PAQR9: variants seen among roughly 807,000 people sequenced by gnomAD.
The protein encoded by PAQR9 is membrane progestin receptor epsilon.
Under a neutral mutation model 24.0 loss-of-function variants are expected in PAQR9, and 12 were observed. That is an observed-to-expected ratio of 0.50 (90% CI 0.32 to 0.81). The LOEUF is 0.81. PAQR9 is among the 30% of genes least tolerant of loss of function. The pLI is 0.03. For synonymous variants in PAQR9, 266 were observed against 237.6 expected, an observed-to-expected ratio of 1.12 and a Z score of -1.10; for missense variants, 418 against 520.8, an observed-to-expected ratio of 0.80 and a Z score of 1.92.
Position 142,963,500 on chromosome 3 carries a change from TTAAA to T in PAQR9, c.-168_-165del. 9.8e-7 allele frequency: 1 copy of T among 1,024,998 alleles called. No individual in the cohort carries two copies. The highest frequency in any genetic ancestry group is 1.2e-6 in the Non-Finnish European group (1 of 858,058). 63.5% of individuals were successfully genotyped at this position (1,024,998 alleles called of 1,614,324 possible). On this transcript the variant is annotated 5_prime_UTR_variant, in exon 1 of 1. Transcript: ENST00000340634. ...GCCTCCGAGCAGCCGCTCCTAAAAATTAAATAAATCAATAAGAGAATCAATTAAT... is the reference window on the plus strand; with the variant it reads ...GCCTCCGAGCAGCCGCTCCTAAAAATTAAATCAATAAGAGAATCAATTAAT...
chr3:142,958,068 T>C lies in PAQR9; in HGVS notation c.*4135A>G, dbSNP rs1934822642. 6.6e-6 allele frequency among the ~76,000 whole-genome samples: 1 copy of C among 152,112 alleles called. No individual in the cohort carries two copies. The highest frequency in any genetic ancestry group is 1.9e-4 in the East Asian group (1 of 5,192). On this transcript the variant is annotated 3_prime_UTR_variant, in exon 1 of 1. Transcript: ENST00000340634. ...TCCTTGCCCAATGTCTTACACACAGTAGGTGCTCAAAGATCATGAAAGGTA... is the reference window on the plus strand; with the variant it reads ...TCCTTGCCCAATGTCTTACACACAGCAGGTGCTCAAAGATCATGAAAGGTA...
At chr3:142,951,024 A>G (rs932992378), downstream of PAQR9, among the ~76,000 whole-genome samples, 2 of 152,230 alleles carry the variant, frequency 1.3e-5, no homozygotes, top group African/African-American at 2.4e-5. Flanking sequence ...TATAGATGAC[A>G]TTGATACATG....
At chr3:142,951,038 A>C (rs985818813), downstream of PAQR9, among the ~76,000 whole-genome samples, 4 of 152,328 alleles carry the variant, frequency 2.6e-5, no homozygotes, top group African/African-American at 9.6e-5. Flanking sequence ...ATACATGAGA[A>C]TAGCACTTAT....
chr3:142,962,880 A>C lies in PAQR9; in HGVS notation c.457T>G (p.Phe153Val). 3.1e-6 allele frequency: 5 copies of C among 1,613,762 alleles called. No individual in the cohort carries two copies. Among genetic ancestry groups the C allele is most frequent in the East Asian group, 2.2e-5 (1 of 44,868 alleles). Residue 153 changes from phenylalanine (F) to valine (V), a missense_variant, in exon 1 of 1, where the codon TTC becomes GTC. Phe to Val is a conservative substitution (Grantham distance 50). Coordinates refer to ENST00000340634, the MANE Select transcript of PAQR9 (RefSeq NM_198504.4). The part of the protein sequence containing the change: ...SCLSLRLRAA[F>V]FYLDYASISY... ...ATGGACGCGTAGTCCAGGTAGAAGA[A>C]GGCGGCGCGCAGACGCAGCGACAGG... is the stretch of plus-strand genomic sequence containing the variant.
chr3:142,963,394 G>T lies in PAQR9; in HGVS notation c.-58C>A, dbSNP rs1240168250. ...CGACCTCTGGCGCCGGCTCCCGGGC[G>T]CTGGGCAGCCCCCGCCGGCCGCCGT... is the stretch of plus-strand genomic sequence containing the variant. On this transcript the variant is annotated 5_prime_UTR_variant, in exon 1 of 1. Coordinates refer to ENST00000340634, the MANE Select transcript of PAQR9 (RefSeq NM_198504.4). 9.0e-7 allele frequency: 1 copy of T among 1,114,538 alleles called. No individual in the cohort carries two copies. The highest frequency in any genetic ancestry group is 1.1e-6 in the Non-Finnish European group (1 of 914,848). 69.0% of individuals were successfully genotyped at this position (1,114,538 alleles called of 1,614,324 possible). A position where few individuals can be genotyped will look rare whatever the true frequency, so the allele number is the denominator to read the frequency against.
downstream of PAQR9, among the ~76,000 whole-genome samples, chr3:142,952,197 G>T (rs1405648814): frequency 1.3e-5 from 2 of 152,164 alleles, no homozygotes; most frequent in African/African-American, 4.8e-5. Context: ...GGAGAACAAT[G>T]TGTAATGGAT....
At chr3:142,953,045 C>T (rs1311344762), downstream of PAQR9, among the ~76,000 whole-genome samples, 1 of 152,182 alleles carries the variant, frequency 6.6e-6, no homozygotes, top group Non-Finnish European at 1.5e-5. Context: ...CTTCCCAGCA[C>T]ACAGAACCTG....
chr3:142,962,591 AT>A lies in PAQR9; in HGVS notation c.745del (p.Met249CysfsTer44). ...AATGGGGCAGGCCATGCTGAGCGGC[AT>A]GACGAAGACGAAGGTGCGCAGCGCG... ...PFALRTFVFV[M>X]PLSMACPIML... is the part of the protein sequence containing the mutation. On this transcript the variant is annotated frameshift_variant, in exon 1 of 1. Transcript: ENST00000340634. LOFTEE classifies it high-confidence loss of function. The A allele has an allele frequency of 1.2e-6, 2 of 1,613,990 alleles. No homozygotes were observed. The highest frequency in any genetic ancestry group is 1.7e-6 in the Non-Finnish European group (2 of 1,180,002).
At chr3:142,951,495 A>G, downstream of PAQR9, 1 of 332,438 alleles carries the variant, frequency 3.0e-6, no homozygotes, top group Non-Finnish European at 5.9e-6. Flanking sequence ...CCTGATCACC[A>G]TCCTTTTCTG....
At position 142,963,026 on chromosome 3, in the gene PAQR9, A is replaced by G. The variant is rs1934939198; in HGVS notation, c.311T>C (p.Leu104Pro). The change falls in exon 1 of 1, where the codon CTG becomes CCG. Residue 104 changes from leucine (L) to proline (P), a missense_variant. Coordinates refer to ENST00000340634, the MANE Select transcript of PAQR9 (RefSeq NM_198504.4). ...LLLFLSKFCR[L>P]FFLSGGDVPF... ...CACGTCGCCGCCGCTCAGGAAGAAC[A>G]GACGGCAGAACTTGCTCAGGAACAG... 3 of 1,614,186 alleles carry G rather than the reference A, an allele frequency of 1.9e-6. No homozygotes were observed. The highest frequency in any genetic ancestry group is 2.5e-6 in the Non-Finnish European group (3 of 1,180,012).
At position 142,954,867 on chromosome 3, in the gene PAQR9, A is replaced by G. The variant is rs1934767926; in HGVS notation, c.*7336T>C. 6.6e-6 allele frequency among the ~76,000 whole-genome samples: 1 copy of G among 152,202 alleles called. No individual in the cohort carries two copies. On this transcript the variant is annotated 3_prime_UTR_variant, in exon 1 of 1. Transcript: ENST00000340634. ...TGTTAGAATACACTATTGATTTGAA[A>G]CCACATGTTAGTCCATGCCTGGAAG... is the stretch of plus-strand genomic sequence containing the variant.
At position 142,962,241 on chromosome 3, in the gene PAQR9, T is replaced by G. The variant is rs1389837713; in HGVS notation, c.1096A>C (p.Lys366Gln). 2 of 1,613,924 alleles carry G rather than the reference T, an allele frequency of 1.2e-6. No individual in the cohort carries two copies. The highest frequency in any genetic ancestry group is 1.3e-5 in the African/African-American group (1 of 74,920). ...CAGAATTCGGAGCTGTTTAGGAACT[T>G]CCTGATTACCAGCCCCAGGCAGACC... ...LVVCLGLVIR[K>Q]FLNSSEFCSK... Residue 366 changes from lysine to glutamine, a missense_variant, in exon 1 of 1, where the codon AAG becomes CAG. By Grantham distance (53) the Lys-to-Gln change is moderately conservative. This residue lies in a region of PAQR9 where 230 missense variants were observed against 305.2 expected (regional missense o/e 0.75). Coordinates refer to ENST00000340634, the MANE Select transcript of PAQR9 (RefSeq NM_198504.4).
downstream of PAQR9, chr3:142,950,384 T>C (rs1934697156): frequency 5.1e-6 from 1 of 195,306 alleles, no homozygotes; most frequent in Non-Finnish European, 1.1e-5. Flanking sequence ...GTCTCTCCAA[T>C]TTTGGGGGGC....
rs1228440470 is a variant in PAQR9, at chr3:142,962,920, C to G, written c.417G>C (p.Ala139=). ...GCAGCGACAGGCAGCTGAACACGTG[C>G]GCCGTGCAGCTCATGGCGAAGGTCA... is the stretch of plus-strand genomic sequence containing the variant. ...VLLTFAMSCT[A]HVFSCLSLRL... is the part of the protein sequence containing the mutation. Residue 139 remains alanine, a synonymous_variant, in exon 1 of 1, where the codon GCG becomes GCC. Transcript: ENST00000340634. 71 of 1,613,722 alleles carry G rather than the reference C, an allele frequency of 4.4e-5. No homozygotes were observed. The highest frequency in any genetic ancestry group is 5.9e-5 in the Non-Finnish European group (70 of 1,179,994).
chr3:142,951,615 A>G, downstream of PAQR9: 1 of 436,108 alleles, frequency 2.3e-6, no homozygotes, highest in Non-Finnish European at 4.6e-6. Context: ...CAAACTCACT[A>G]GAAGAATTAC....
In PAQR9 at chr3:142,956,292, C is replaced by G. The variant is rs1409065652; in HGVS notation, c.*5911G>C. ...AAGCAGGGCCATCTTTACAGCACGGCCAAATGACCACCTGAAGACCCCCCA... is the reference window on the plus strand; with the variant it reads ...AAGCAGGGCCATCTTTACAGCACGGGCAAATGACCACCTGAAGACCCCCCA... On this transcript the variant is annotated 3_prime_UTR_variant, in exon 1 of 1. Coordinates refer to ENST00000340634, the MANE Select transcript of PAQR9 (RefSeq NM_198504.4). Among the ~76,000 whole-genome samples the G allele has an allele frequency of 2.6e-5, 4 of 152,102 alleles. No individual in the cohort carries two copies. The highest frequency in any genetic ancestry group is 2.6e-4 in the Admixed American group (4 of 15,268).
At chr3:142,949,924 C>T (rs1341193452), downstream of PAQR9, 1 of 151,592 alleles carries the variant, frequency 6.6e-6, no homozygotes, top group Non-Finnish European at 1.5e-5. Flanking sequence ...CTTTGTTTTT[C>T]AGTTTTAGAA....
At position 142,957,044 on chromosome 3, in the gene PAQR9, T is replaced by C. The variant is rs960700557; in HGVS notation, c.*5159A>G. On this transcript the variant is annotated 3_prime_UTR_variant, in exon 1 of 1. Coordinates refer to ENST00000340634, the MANE Select transcript of PAQR9 (RefSeq NM_198504.4). ...GTCAGGTGATATATGTCAGAGAATA[T>C]TGACAATCCTTCAAGAAAATGATTC... is the stretch of plus-strand genomic sequence containing the variant. Among the ~76,000 whole-genome samples the C allele has an allele frequency of 6.6e-6, 1 of 152,222 alleles. No homozygotes were observed. The highest frequency in any genetic ancestry group is 1.5e-5 in the Non-Finnish European group (1 of 68,040).
rs1225683262 is a variant in PAQR9, at chr3:142,959,768, G to T, written c.*2435C>A. ...AACAAAAAATTAAAATGACAAATTT[G>T]GTGTTTTAGTTATTGTTCTCAAACT... On this transcript the variant is annotated 3_prime_UTR_variant, in exon 1 of 1. Transcript: ENST00000340634. 3.3e-5 allele frequency among the ~76,000 whole-genome samples: 5 copies of T among 152,142 alleles called. No individual in the cohort carries two copies. In the East Asian group the frequency reaches 9.6e-4, roughly 29 times the overall value.
Sources: allele counts gnomAD v4.1 joint callset (sites outside exome capture counted in the v4.1 genomes callset), GRCh38; gene constraint gnomAD v4.1.1; regional missense constraint gnomAD v4.1.1; transcripts MANE v1.5; gene names NCBI Gene and HGNC (gene_info 2026-07-23, HGNC 2026-07-21).